Variants in CCDC85C observed in about 807,000 individuals in gnomAD.
CCDC85C encodes coiled-coil domain containing 85C, also known as coiled-coil domain-containing protein 85C.
Under a neutral mutation model 38.3 loss-of-function variants are expected in CCDC85C, and 18 were observed. The ratio of observed to expected loss-of-function variants is 0.47; its 90% confidence interval spans 0.33 to 0.70. The LOEUF is 0.70. CCDC85C is among the 30% of genes least tolerant of loss of function. CCDC85C has a pLI of 0.03. For synonymous variants in CCDC85C, 264 were observed against 293.8 expected (o/e 0.90, Z 1.04); for missense variants, 566 against 621.2 (o/e 0.91, Z 0.94).
chr14:99,518,626 G>T (rs982411978), intron 3 of CCDC85C, among the ~76,000 whole-genome samples: 9 of 152,176 alleles, frequency 5.9e-5, no homozygotes, highest in African/African-American at 1.7e-4. Flanking sequence ...ATACGGCCCT[G>T]GGAGACCTGG....
At position 99,502,271 on chromosome 14, in the gene CCDC85C, G is replaced by A. The variant is rs760617667; in HGVS notation, c.*12975C>T. The A allele has an allele frequency of 3.1e-6, 5 of 1,608,826 alleles. No individual in the cohort carries two copies. The highest frequency in any genetic ancestry group is 1.7e-5 in the Admixed American group (1 of 59,300). ...CATAGCAGTAGCAGTGATGTATCTC[G>A]CAGGACGTTTGTGCAAATTTGAAAT... On this transcript the variant is annotated 3_prime_UTR_variant, in exon 6 of 6. Transcript: ENST00000380243.
chr14:99,544,891 G>C lies in CCDC85C; in HGVS notation c.794-8803C>G, dbSNP rs745924584. 2.6e-5 allele frequency among the ~76,000 whole-genome samples: 4 copies of C among 152,148 alleles called. No individual in the cohort carries two copies. The highest frequency in any genetic ancestry group is 4.8e-5 in the African/African-American group (2 of 41,420). On this transcript the variant is annotated intron_variant, in intron 1 of 5. Coordinates refer to ENST00000380243, the MANE Select transcript of CCDC85C (RefSeq NM_001144995.2). This position sits in a 1 kb window ranked among gnomAD's most constrained non-coding sequence, Gnocchi z 5.3. ...TCCACCTCCATGCCCGGAGACATGG[G>C]ATCATGGGAACCTAAAGTCCCACCT... is the stretch of plus-strand genomic sequence containing the variant.
intron 2 of CCDC85C, among the ~76,000 whole-genome samples, chr14:99,529,431 T>G (rs1042921379): frequency 2.0e-5 from 3 of 152,098 alleles, no homozygotes; most frequent in Non-Finnish European, 4.4e-5. Context: ...GAGATGAAGT[T>G]TCACTCTGTC....
chr14:99,543,452 A>G (rs536069983), intron 1 of CCDC85C, among the ~76,000 whole-genome samples: 1 of 152,234 alleles, frequency 6.6e-6, no homozygotes, highest in African/African-American at 2.4e-5. Flanking sequence ...GAATAACCAC[A>G]TCTACTGCAA....
In CCDC85C at chr14:99,506,655, T is replaced by G; in HGVS notation, c.*8591A>C. The G allele has an allele frequency of 6.0e-6, 1 of 166,948 alleles. No individual in the cohort carries two copies. Among genetic ancestry groups the G allele is most frequent in the African/African-American group, 2.4e-5 (1 of 41,844 alleles). 10.3% of individuals were successfully genotyped at this position (166,948 alleles called of 1,614,324 possible). On this transcript the variant is annotated 3_prime_UTR_variant, in exon 6 of 6. Coordinates refer to ENST00000380243, the MANE Select transcript of CCDC85C (RefSeq NM_001144995.2). The stretch of plus-strand genomic sequence containing the variant: ...ATGTCTAAGAATGAAAAGATAGAGA[T>G]TCTCTTGTGGAACCCTCAGGGGACT...
At chr14:99,522,454 C>G (rs548786316) in intron 2 of CCDC85C, 2 of 464,300 alleles carry the variant, frequency 4.3e-6, no homozygotes, top group East Asian at 7.3e-5. Flanking sequence ...CACTCTCCAA[C>G]GTGGGCTTTG....
Position 99,502,792 on chromosome 14 carries a change from G to A in CCDC85C, c.*12454C>T, listed in dbSNP as rs1896867314. The A allele has an allele frequency of 1.2e-6, 2 of 1,613,416 alleles. No homozygotes were observed. Among genetic ancestry groups the A allele is most frequent in the Admixed American group, 1.7e-5 (1 of 59,952 alleles). ...TGCCTCATCACACCCCCCATCAGCTGCAACAGCCCCCATCTCTTCAGCCTA... is the reference window on the plus strand; with the variant it reads ...TGCCTCATCACACCCCCCATCAGCTACAACAGCCCCCATCTCTTCAGCCTA... On this transcript the variant is annotated 3_prime_UTR_variant, in exon 6 of 6. Coordinates refer to ENST00000380243, the MANE Select transcript of CCDC85C (RefSeq NM_001144995.2).
chr14:99,540,373 T>G (rs1318917161), intron 1 of CCDC85C, among the ~76,000 whole-genome samples: 2 of 152,058 alleles, frequency 1.3e-5, no homozygotes, highest in Non-Finnish European at 2.9e-5. Flanking sequence ...ATCTGGGCAC[T>G]CCCAGGCGGG....
chr14:99,527,433 G>A (rs559306263), intron 2 of CCDC85C, among the ~76,000 whole-genome samples: 6 of 152,160 alleles, frequency 3.9e-5, no homozygotes, highest in Admixed American at 3.3e-4. Context: ...ATTCTGGGGC[G>A]GGCAGTCTCA....
rs1007284298 is a variant in CCDC85C at position 99,504,020 on chromosome 14, G to C, written c.*11226C>G. 12 of 364,820 alleles carry C rather than the reference G, an allele frequency of 3.3e-5. No individual in the cohort carries two copies. Among genetic ancestry groups the C allele is most frequent in the Middle Eastern group, 7.5e-4 (1 of 1,342 alleles). 22.6% of individuals were successfully genotyped at this position (364,820 alleles called of 1,614,324 possible). On this transcript the variant is annotated 3_prime_UTR_variant, in exon 6 of 6. Coordinates refer to ENST00000380243, the MANE Select transcript of CCDC85C (RefSeq NM_001144995.2). ...CACAGCAGATGCGGGGGGGCAGTAG[G>C]GGGTGGTGTGCTGCCCGGACAGCAC...
intron 1 of CCDC85C, among the ~76,000 whole-genome samples, chr14:99,549,686 C>A (rs1412293056): frequency 6.6e-6 from 1 of 152,196 alleles, no homozygotes; most frequent in Non-Finnish European, 1.5e-5. Flanking sequence ...CGGTTAGAAG[C>A]GAGATAGACT....
Position 99,501,655 on chromosome 14 carries a change from AT to A in CCDC85C, c.*13590del. 1 of 519,760 alleles carries A rather than the reference AT, an allele frequency of 1.9e-6. No individual in the cohort carries two copies. The highest frequency in any genetic ancestry group is 3.4e-6 in the Non-Finnish European group (1 of 296,108). 32.2% of individuals were successfully genotyped at this position (519,760 alleles called of 1,614,324 possible). A position where few individuals can be genotyped will look rare whatever the true frequency, so the allele number is the denominator to read the frequency against. On this transcript the variant is annotated 3_prime_UTR_variant, in exon 6 of 6. Coordinates refer to ENST00000380243, the MANE Select transcript of CCDC85C (RefSeq NM_001144995.2). The stretch of plus-strand genomic sequence containing the variant: ...TGAAATTTTATCACCAGTCTGAAAC[AT>A]AAGTCCAAAACAATACACTGGAGAA...
intron 1 of CCDC85C, among the ~76,000 whole-genome samples, chr14:99,582,381 G>T (rs2054981778): frequency 6.6e-6 from 1 of 152,304 alleles, no homozygotes; most frequent in South Asian, 2.1e-4. Flanking sequence ...TGTAAAAAGA[G>T]TTGGGATCAA....
In CCDC85C at chr14:99,505,480, A is replaced by G. The variant is rs929511047; in HGVS notation, c.*9766T>C. Reference sequence around the variant, plus strand: ...AGCTTTATATTGGTTACATGTTGAAATAAAATTTTCGATCTATCGGGTTAA... The same window carrying G: ...AGCTTTATATTGGTTACATGTTGAAGTAAAATTTTCGATCTATCGGGTTAA... On this transcript the variant is annotated 3_prime_UTR_variant, in exon 6 of 6. Coordinates refer to ENST00000380243, the MANE Select transcript of CCDC85C (RefSeq NM_001144995.2). 3.4e-5 allele frequency: 5 copies of G among 149,000 alleles called. No individual in the cohort carries two copies. The highest frequency in any genetic ancestry group is 7.4e-5 in the Non-Finnish European group (5 of 67,508). 9.2% of individuals were successfully genotyped at this position (149,000 alleles called of 1,614,324 possible).
At chr14:99,582,745 C>T (rs575748471) in intron 1 of CCDC85C, among the ~76,000 whole-genome samples, 2 of 152,126 alleles carry the variant, frequency 1.3e-5, no homozygotes, top group East Asian at 1.9e-4. Flanking sequence ...AACCAGGGGG[C>T]GGAGGTTGCA....
intron 1 of CCDC85C, among the ~76,000 whole-genome samples, chr14:99,550,414 A>T (rs146743414): frequency 8.7e-4 from 132 of 152,270 alleles, no homozygotes; most frequent in Non-Finnish European, 1.3e-3. Flanking sequence ...TCTGGCCCCT[A>T]GAAGGGAACG....
intron 1 of CCDC85C, chr14:99,579,950 T>A: frequency 2.4e-6 from 1 of 411,612 alleles, no homozygotes; most frequent in Non-Finnish European, 4.9e-6. Context: ...ACTTTGGGAG[T>A]CTTGGCCAGG....
At chr14:99,523,785 A>T (rs909170745) in intron 2 of CCDC85C, among the ~76,000 whole-genome samples, 1 of 152,164 alleles carries the variant, frequency 6.6e-6, no homozygotes. Flanking sequence ...AAGGGGTCTC[A>T]GCACGGGGGC....
At position 99,500,633 on chromosome 14, in the gene CCDC85C, G is replaced by C; in HGVS notation, c.*14613C>G. On this transcript the variant is annotated 3_prime_UTR_variant, in exon 6 of 6. Coordinates refer to ENST00000380243, the MANE Select transcript of CCDC85C (RefSeq NM_001144995.2). ...GAGCATGTTAAAAGTCTGAGTGGGAGAGAAAGGAAGGAAAGGCAGTTGCTA... is the reference window on the plus strand; with the variant it reads ...GAGCATGTTAAAAGTCTGAGTGGGACAGAAAGGAAGGAAAGGCAGTTGCTA... 2 of 668,606 alleles carry C rather than the reference G, an allele frequency of 3.0e-6. No homozygotes were observed. Among genetic ancestry groups the C allele is most frequent in the South Asian group, 3.5e-5 (2 of 56,586 alleles). 41.4% of individuals were successfully genotyped at this position (668,606 alleles called of 1,614,324 possible). A position where few individuals can be genotyped will look rare whatever the true frequency, so the allele number is the denominator to read the frequency against.
Sources: allele counts gnomAD v4.1 joint callset (sites outside exome capture counted in the v4.1 genomes callset), GRCh38; gene constraint gnomAD v4.1.1; non-coding constraint Gnocchi (gnomAD v3.1); transcripts MANE v1.5; gene names NCBI Gene and HGNC (gene_info 2026-07-23, HGNC 2026-07-21).